ARFGEF2: variants seen among roughly 807,000 people sequenced by gnomAD.
ARFGEF2 encodes ARF guanine nucleotide exchange factor 2, also known as brefeldin A-inhibited guanine nucleotide-exchange protein 2.
Under a neutral mutation model 219.9 loss-of-function variants are expected in ARFGEF2, and 74 were observed. The observed-to-expected ratio is 0.34, with a 90% CI of 0.28 to 0.41. ARFGEF2 has a LOEUF of 0.41. ARFGEF2 is among the 10% of genes least tolerant of loss of function. The pLI is 1.00. For missense variants in ARFGEF2, 1,743 were observed against 2,218.3 expected (o/e 0.79, Z 4.30); for synonymous variants, 733 against 799.2 (o/e 0.92, Z 1.40).
intron 8 of ARFGEF2, among the ~76,000 whole-genome samples, chr20:48,968,649 A>G (rs1457266612): frequency 1.3e-5 from 2 of 152,216 alleles, no homozygotes; most frequent in African/African-American, 4.8e-5. Context: ...GGCGTGAGCC[A>G]TTCATCGCAC....
intron 37 of ARFGEF2, among the ~76,000 whole-genome samples, chr20:49,030,532 CTA>C (rs1410190134): frequency 6.6e-6 from 1 of 150,476 alleles, no homozygotes; most frequent in African/African-American, 2.4e-5. Context: ...AATGATGTAG[CTA>C]TTTTTCTTTA....
At chr20:48,963,585 T>C (rs1218758453) in intron 6 of ARFGEF2, among the ~76,000 whole-genome samples, 1 of 151,728 alleles carries the variant, frequency 6.6e-6, no homozygotes, top group African/African-American at 2.4e-5. Flanking sequence ...AGGAAGAGAG[T>C]AGTATAAGCC....
chr20:49,020,486 C>G (rs867825706), intron 34 of ARFGEF2, among the ~76,000 whole-genome samples: 2 of 152,192 alleles, frequency 1.3e-5, no homozygotes, highest in African/African-American at 4.8e-5. Flanking sequence ...TACTCTGTCT[C>G]CCAAGCTGGA....
intron 3 of ARFGEF2, 81 bp downstream of exon 3, chr20:48,942,068 C>T: frequency 6.4e-7 from 1 of 1,567,464 alleles, no homozygotes; most frequent in Non-Finnish European, 8.7e-7. Context: ...TGCTGGGGAC[C>T]ACGCTGGCAC....
At chr20:48,936,200 G>A (rs1372550280) in intron 1 of ARFGEF2, among the ~76,000 whole-genome samples, 2 of 144,820 alleles carry the variant, frequency 1.4e-5, no homozygotes, top group African/African-American at 5.1e-5. Context: ...AGGGGCGGCC[G>A]GGCAGAGGCG....
Position 48,991,129 on chromosome 20 carries a change from C to G in ARFGEF2, c.2904C>G (p.Ile968Met). Residue 968 changes from isoleucine (I) to methionine (M), a missense_variant, in exon 21 of 39, where the codon ATC becomes ATG. Ile to Met is a conservative substitution (Grantham distance 10). Around this residue, in one of 5 missense-constraint regions of ARFGEF2, gnomAD observed 666 missense variants for 955.4 expected, o/e 0.70. Coordinates refer to ENST00000371917, the MANE Select transcript of ARFGEF2 (RefSeq NM_006420.3). The stretch of plus-strand genomic sequence containing the variant: ...TCACAGAAATGAAGCAGAAAAACAT[C>G]GACACCATTAAGACGCTTATCACAG... ...SSITEMKQKN[I>M]DTIKTLITVA... The G allele has an allele frequency of 6.2e-7, 1 of 1,614,148 alleles. No individual in the cohort carries two copies. The highest frequency in any genetic ancestry group is 1.1e-5 in the South Asian group (1 of 91,080).
At chr20:48,927,557 G>A (rs1420046285) in intron 1 of ARFGEF2, among the ~76,000 whole-genome samples, 4 of 151,930 alleles carry the variant, frequency 2.6e-5, no homozygotes, top group South Asian at 2.1e-4. Flanking sequence ...GCGTGGTGGC[G>A]CACACCCGTA....
At chr20:48,973,030 TG>T in intron 11 of ARFGEF2, 114 bp from the exon 12 acceptor site, 2 of 1,170,384 alleles carry the variant, frequency 1.7e-6, no homozygotes, top group Non-Finnish European at 2.5e-6. Context: ...GAGTGAGATG[TG>T]GCCACCGGAG....
intron 21 of ARFGEF2, among the ~76,000 whole-genome samples, chr20:48,991,614 T>C (rs2091357942): frequency 6.6e-6 from 1 of 152,168 alleles, no homozygotes; most frequent in Non-Finnish European, 1.5e-5. Flanking sequence ...TGAATTCACA[T>C]GTTTTTAAAA....
chr20:49,007,013 T>A (rs1568734060), intron 26 of ARFGEF2, among the ~76,000 whole-genome samples: 1 of 151,764 alleles, frequency 6.6e-6, no homozygotes, highest in Non-Finnish European at 1.5e-5. Context: ...AGAAGTGAAA[T>A]GATCTGACAT....
chr20:49,031,998 T>G, intron 37 of ARFGEF2, 51 bp from the exon 38 acceptor site: 850 of 1,153,336 alleles, frequency 7.4e-4, no homozygotes, highest in Non-Finnish European at 1.0e-3. Flanking sequence ...CCCCTGAATG[T>G]GAGATGTTAA....
In ARFGEF2 at chr20:48,969,158, AC is replaced by A. The variant is rs1466033662; in HGVS notation, c.1072del (p.Gln358LysfsTer29). The A allele has an allele frequency of 2.5e-6, 4 of 1,614,100 alleles. No individual in the cohort carries two copies. The highest frequency in any genetic ancestry group is 3.4e-6 in the Non-Finnish European group (4 of 1,179,992). On this transcript the variant is annotated frameshift_variant, in exon 9 of 39. Transcript: ENST00000371917. LOFTEE classifies it high-confidence loss of function. ...SSADNLESDAQGHQVAARFSH... is the reference protein window; with the variant it reads ...SSADNLESDAXGHQVAARFSH... ...GTTTCTGATCCTAGGAATCGGATGC[AC>A]AAGGACATCAAGTGGCTGCCAGGTT...
chr20:48,994,554 A>AG lies in ARFGEF2; in HGVS notation c.3080dup (p.His1028ProfsTer15). The AG allele has an allele frequency of 6.2e-7, 1 of 1,614,144 alleles. No individual in the cohort carries two copies. Among genetic ancestry groups the AG allele is most frequent in the Non-Finnish European group, 8.5e-7 (1 of 1,180,030 alleles). On this transcript the variant is annotated frameshift_variant, in exon 22 of 39. Coordinates refer to ENST00000371917, the MANE Select transcript of ARFGEF2 (RefSeq NM_006420.3). LOFTEE classifies it high-confidence loss of function. ...GGGCGTGAAAGAGAAGGGAGCCTGA[A>AG]GGGCCACACATTGGCAGGAGAAGAG... is the stretch of plus-strand genomic sequence containing the variant.
At chr20:48,952,342 G>A (rs1477433862) in intron 4 of ARFGEF2, among the ~76,000 whole-genome samples, 1 of 151,938 alleles carries the variant, frequency 6.6e-6, no homozygotes, top group Non-Finnish European at 1.5e-5. Context: ...TTTTAATAGA[G>A]ATGGGGTTTT....
At chr20:48,954,864 T>A (rs1256590953) in intron 6 of ARFGEF2, among the ~76,000 whole-genome samples, 1 of 152,194 alleles carries the variant, frequency 6.6e-6, no homozygotes, top group African/African-American at 2.4e-5. Flanking sequence ...ACCCTCTGTG[T>A]CTGTTATCAT....
intron 31 of ARFGEF2, 22 bp downstream of exon 31, chr20:49,016,437 A>G: frequency 6.2e-7 from 1 of 1,608,650 alleles, no homozygotes; most frequent in Non-Finnish European, 8.5e-7. Context: ...GCCTCTAGGC[A>G]TCATTTTTCT....
At chr20:48,937,391 A>C (rs1311175180) in intron 1 of ARFGEF2, among the ~76,000 whole-genome samples, 4 of 152,160 alleles carry the variant, frequency 2.6e-5, no homozygotes, top group Non-Finnish European at 4.4e-5. Flanking sequence ...AGACTTTTCA[A>C]GAGTGTCTTT....
chr20:48,975,991 T>G, intron 13 of ARFGEF2, 25 bp from the exon 14 acceptor site: 2 of 1,611,918 alleles, frequency 1.2e-6, no homozygotes, highest in Non-Finnish European at 1.7e-6. Flanking sequence ...CTTATTTGGC[T>G]TCCTTTACTT....
chr20:49,013,829 A>T lies in ARFGEF2; in HGVS notation c.4050-2A>T. The T allele has an allele frequency of 6.2e-7, 1 of 1,614,042 alleles. No individual in the cohort carries two copies. The highest frequency in any genetic ancestry group is 1.7e-5 in the Admixed American group (1 of 60,002). ...TTCTGTGCCTGACTTTGTTTCCTCC[A>T]GGGGACTCACAGTCATGTTTGAGAT... On this transcript the variant is annotated splice_acceptor_variant, in intron 29 of 38. Coordinates refer to ENST00000371917, the MANE Select transcript of ARFGEF2 (RefSeq NM_006420.3). LOFTEE classifies it high-confidence loss of function.
Sources: allele counts gnomAD v4.1 joint callset (sites outside exome capture counted in the v4.1 genomes callset), GRCh38; gene constraint gnomAD v4.1.1; regional missense constraint gnomAD v4.1.1; transcripts MANE v1.5; gene names NCBI Gene and HGNC (gene_info 2026-07-23, HGNC 2026-07-21).